KCNK2: variants seen among roughly 807,000 people sequenced by gnomAD.
KCNK2 encodes the protein potassium channel subfamily K member 2.
In KCNK2, 21 loss-of-function variants were observed where a neutral mutation model predicts 40.5. The ratio of observed to expected loss-of-function variants is 0.52; its 90% CI spans 0.37 to 0.75. KCNK2 has a LOEUF of 0.75. Among genes scored for constraint, KCNK2 ranks in the 30% least tolerant of loss-of-function variants. KCNK2 has a pLI of 0.00. For synonymous variants in KCNK2, 191 were observed against 202.2 expected, an observed-to-expected ratio of 0.94 and a Z score of 0.47; for missense variants, 399 against 531.6, an observed-to-expected ratio of 0.75 and a Z score of 2.45.
intron 6 of KCNK2, among the ~76,000 whole-genome samples, chr1:215,224,006 A>G (rs918487309): frequency 3.4e-4 from 51 of 152,194 alleles, no homozygotes; most frequent in African/African-American, 1.0e-3. Context: ...ACAGATAATT[A>G]AGCTAAGTAA....
At chr1:215,145,876 T>A (rs1240663088) in intron 3 of KCNK2, among the ~76,000 whole-genome samples, 1 of 152,170 alleles carries the variant, frequency 6.6e-6, no homozygotes, top group Non-Finnish European at 1.5e-5. Context: ...TCCTTAATGC[T>A]ACAGAATTAT....
At chr1:215,033,993 A>G (rs1324948667) in intron 1 of KCNK2, among the ~76,000 whole-genome samples, 1 of 152,052 alleles carries the variant, frequency 6.6e-6, no homozygotes, top group Non-Finnish European at 1.5e-5. Context: ...TAATTCATCA[A>G]TTACATTTCA....
intron 2 of KCNK2, among the ~76,000 whole-genome samples, chr1:215,118,529 A>G (rs1055677257): frequency 6.6e-6 from 1 of 151,914 alleles, no homozygotes; most frequent in Non-Finnish European, 1.5e-5. Context: ...GTTTCTTCTC[A>G]GTGTGGAAAC....
chr1:215,124,577 G>A, intron 2 of KCNK2, 56 bp from the exon 3 acceptor site: 1 of 990,646 alleles, frequency 1.0e-6, no homozygotes, highest in Non-Finnish European at 1.6e-6. Flanking sequence ...AATATATGCT[G>A]TTTGATGCCT....
In KCNK2 at chr1:215,008,800, T is replaced by C. The variant is rs560858653; in HGVS notation, c.34+2845T>C. On this transcript the variant is annotated intron_variant, in intron 1 of 6. Coordinates refer to the KCNK2 transcript ENST00000391895. ...TATTCTCCACCTAATAGATTTCTAA[T>C]AGAAAATTGTAAAGCAAATCTACAT... 5.3e-5 allele frequency among the ~76,000 whole-genome samples: 8 copies of C among 152,242 alleles called. No homozygotes were observed. In the East Asian group the frequency reaches 1.5e-3, roughly 29 times the overall value.
chr1:215,062,374 G>C (rs894800975), intron 1 of KCNK2, among the ~76,000 whole-genome samples: 1 of 151,964 alleles, frequency 6.6e-6, no homozygotes, highest in African/African-American at 2.4e-5. Context: ...AAGAAGGCAT[G>C]TGCTCAGCTC....
rs776218980 is a variant in KCNK2, at chr1:215,169,352, C to G, written c.629C>G (p.Thr210Arg). Residue 210 changes from threonine to arginine, a missense_variant, in exon 4 of 7, where the codon ACG (threonine) becomes AGG (arginine). Coordinates refer to ENST00000444842, the MANE Select transcript of KCNK2 (RefSeq NM_001017425.3). ...AAAGGAATTGCCAAAGTGGAAGATACGTTTATTGTGAGTATGATAGATATT... is the reference window on the plus strand; with the variant it reads ...AAAGGAATTGCCAAAGTGGAAGATAGGTTTATTGTGAGTATGATAGATATT... ...FGKGIAKVEDTFIKWNVSQTK... is the reference protein window; with the variant it reads ...FGKGIAKVEDRFIKWNVSQTK... The G allele has an allele frequency of 4.4e-6, 7 of 1,607,410 alleles. 1 individual carries two copies. The South Asian group carries it at 6.6e-5, about 15-fold the overall frequency.
chr1:215,194,698 G>A (rs772274583), intron 5 of KCNK2, among the ~76,000 whole-genome samples: 1 of 152,086 alleles, frequency 6.6e-6, no homozygotes, highest in African/African-American at 2.4e-5. Flanking sequence ...GAAACATGGA[G>A]CAAGGAAAAA....
At chr1:215,180,107 G>C (rs772243137) in intron 5 of KCNK2, among the ~76,000 whole-genome samples, 3 of 152,112 alleles carry the variant, frequency 2.0e-5, no homozygotes, top group African/African-American at 7.2e-5. Flanking sequence ...TTATCCTTAT[G>C]TAATACCTTA....
chr1:215,077,900 G>C (rs1659003957), upstream of KCNK2, among the ~76,000 whole-genome samples: 2 of 151,954 alleles, frequency 1.3e-5, 1 homozygote, highest in South Asian at 4.2e-4. Flanking sequence ...TCTTCTTATG[G>C]CTTATCAGAA....
intron 3 of KCNK2, among the ~76,000 whole-genome samples, chr1:215,167,520 A>G (rs1385915625): frequency 6.6e-6 from 1 of 152,162 alleles, no homozygotes; most frequent in Non-Finnish European, 1.5e-5. Flanking sequence ...TGCTTCTGCT[A>G]TTAAAAGTAA....
chr1:215,044,310 AG>A (rs1349601891), intron 1 of KCNK2, among the ~76,000 whole-genome samples: 1 of 152,146 alleles, frequency 6.6e-6, no homozygotes, highest in African/African-American at 2.4e-5. Context: ...CATCAGATCT[AG>A]GAATTCCGGT....
At chr1:215,117,241 T>C (rs1660986023) in intron 2 of KCNK2, among the ~76,000 whole-genome samples, 1 of 152,104 alleles carries the variant, frequency 6.6e-6, no homozygotes, top group Admixed American at 6.6e-5. Flanking sequence ...TTAACTTCTA[T>C]AAAATTTAAT....
At chr1:215,061,559 A>AT (rs943111772) in intron 1 of KCNK2, among the ~76,000 whole-genome samples, 3 of 152,078 alleles carry the variant, frequency 2.0e-5, no homozygotes, top group Non-Finnish European at 4.4e-5. Flanking sequence ...CTGGCATGGG[A>AT]TTTTTGTGAT....
At chr1:215,169,825 T>G (rs1363734273) in intron 4 of KCNK2, among the ~76,000 whole-genome samples, 1 of 151,998 alleles carries the variant, frequency 6.6e-6, no homozygotes. Context: ...TTGTATTTTT[T>G]AGTAGAGATG....
intron 6 of KCNK2, among the ~76,000 whole-genome samples, chr1:215,198,302 A>G (rs1339409): frequency 0.85 from 129,308 of 152,060 alleles, 56,671 homozygotes; most frequent in East Asian, 0.98. Context: ...TGCTCTGGAC[A>G]GGGGAGCCAG....
At chr1:215,172,224 G>A in intron 5 of KCNK2, 41 bp downstream of exon 5, 1 of 1,519,100 alleles carries the variant, frequency 6.6e-7, no homozygotes, top group Non-Finnish European at 9.0e-7. Context: ...TCTAACAGGG[G>A]TTTATTAGAT....
chr1:215,096,075 C>A (rs959606563), intron 2 of KCNK2, among the ~76,000 whole-genome samples: 1 of 151,966 alleles, frequency 6.6e-6, no homozygotes, highest in Non-Finnish European at 1.5e-5. Flanking sequence ...TCCTTTCTTG[C>A]TTGCTAGCAT....
chr1:215,025,136 G>GT (rs1656958293), intron 1 of KCNK2, among the ~76,000 whole-genome samples: 1 of 152,044 alleles, frequency 6.6e-6, no homozygotes. Flanking sequence ...AAATAATCAT[G>GT]TAACTCTTCA....
Sources: gnomAD v4.1 joint callset for allele counts (sites outside exome capture counted in the v4.1 genomes callset) on GRCh38, gnomAD v4.1.1 for gene constraint, MANE v1.5 for transcripts, NCBI Gene and HGNC (gene_info 2026-07-23, HGNC 2026-07-21) for gene names.